The following FGF14 variants were observed in gnomAD, a reference collection of about 807,000 sequenced individuals.
FGF14 encodes fibroblast growth factor 14.
In FGF14, 5 loss-of-function variants were observed where a neutral mutation model predicts 25.5. That is an observed-to-expected ratio of 0.20 (90% CI 0.10 to 0.41). The LOEUF (loss-of-function observed/expected upper bound fraction) is 0.41, where lower values mean the gene tolerates loss of function less well. Ranked by LOEUF, FGF14 falls within the 10% of genes least tolerant of loss-of-function variation. The pLI is 1.00. For missense variants in FGF14, 222 were observed against 320.1 expected (o/e 0.69, Z 2.34); for synonymous variants, 138 against 118.3 (o/e 1.17, Z -1.08).
intron 1 of FGF14, among the ~76,000 whole-genome samples, chr13:102,093,850 T>G (rs491317): frequency 0.89 from 133,364 of 149,044 alleles, 59,834 homozygotes; most frequent in East Asian, 1. Flanking sequence ...GGAGAGGAGA[T>G]AAGACTCATG....
exon 1 of FGF14, chr13:102,401,667 C>T (rs111373026): frequency 4.3e-6 from 7 of 1,613,742 alleles, no homozygotes; most frequent in African/African-American, 2.7e-5. Flanking sequence ...AGAGGGGCAC[C>T]GGTTTTACCA....
At chr13:101,982,536 G>A (rs2476210) in intron 1 of FGF14, among the ~76,000 whole-genome samples, 77,732 of 152,086 alleles carry the variant, frequency 0.51, 23,245 homozygotes, top group African/African-American at 0.82. Context: ...CATCTTTTAT[G>A]TGAATGTCTA....
rs368766907 is a variant in FGF14, at chr13:102,162,592, A to G, written c.208+238879T>C. 2.0e-5 allele frequency among the ~76,000 whole-genome samples: 3 copies of G among 152,338 alleles called. No individual in the cohort carries two copies. The East Asian group carries it at 5.8e-4, about 29-fold the overall frequency. On this transcript the variant is annotated intron_variant, in intron 1 of 4. Coordinates refer to the FGF14 transcript ENST00000376131. ...TTATAATATTACTACTATCATATGC[A>G]TTACTAGGCAGACGTCCTGATCTTA...
intron 3 of FGF14, among the ~76,000 whole-genome samples, chr13:101,782,299 T>C (rs1170019082): frequency 2.6e-5 from 4 of 152,236 alleles, no homozygotes; most frequent in Non-Finnish European, 5.9e-5. Context: ...ACATCAAATT[T>C]ACTATTTTCA....
At chr13:101,804,445 C>T (rs2041082956) in intron 3 of FGF14, among the ~76,000 whole-genome samples, 1 of 152,160 alleles carries the variant, frequency 6.6e-6, no homozygotes, top group Non-Finnish European at 1.5e-5. Context: ...CTCCTACACA[C>T]AAGAAGATAG....
intron 1 of FGF14, among the ~76,000 whole-genome samples, chr13:102,366,035 A>C (rs2057701910): frequency 6.6e-6 from 1 of 152,166 alleles, no homozygotes; most frequent in African/African-American, 2.4e-5. Flanking sequence ...GTGTTTGTTA[A>C]TGGGGGTAGG....
At chr13:102,033,689 C>T (rs539867198) in intron 1 of FGF14, among the ~76,000 whole-genome samples, 18 of 152,196 alleles carry the variant, frequency 1.2e-4, no homozygotes, top group Middle Eastern at 3.4e-3. Flanking sequence ...AGCCTGGCAC[C>T]GAGTTATATT....
chr13:102,020,614 A>T lies in FGF14; in HGVS notation c.209-145318T>A, dbSNP rs144065396. ...AGAGAGAGAAGAGCAGAAATGTCAG[A>T]CAAAGAGTGGAAAAGTAAGATGATT... On this transcript the variant is annotated intron_variant, in intron 1 of 4. Coordinates refer to the FGF14 transcript ENST00000376131. Among the ~76,000 whole-genome samples the T allele has an allele frequency of 1.5e-4, 23 of 152,168 alleles. No individual in the cohort carries two copies. The East Asian group carries it at 4.5e-3, about 30-fold the overall frequency.
intron 1 of FGF14, among the ~76,000 whole-genome samples, chr13:102,064,335 A>C (rs1348235636): frequency 6.6e-6 from 1 of 152,110 alleles, no homozygotes; most frequent in African/African-American, 2.4e-5. Flanking sequence ...ATTTGAGATA[A>C]AGACAGACAT....
At chr13:102,389,626 G>T (rs2058385064) in intron 1 of FGF14, among the ~76,000 whole-genome samples, 1 of 152,154 alleles carries the variant, frequency 6.6e-6, no homozygotes, top group East Asian at 1.9e-4. Flanking sequence ...TCCTGACCAG[G>T]ATAATAAAGA....
intron 1 of FGF14, among the ~76,000 whole-genome samples, chr13:102,183,658 G>A (rs2048765686): frequency 6.6e-6 from 1 of 152,156 alleles, no homozygotes; most frequent in African/African-American, 2.4e-5. Context: ...CCCCATGTGA[G>A]TCAGTCTGTG....
chr13:101,926,865 CG>C (rs1252616428), intron 1 of FGF14, among the ~76,000 whole-genome samples: 1 of 152,026 alleles, frequency 6.6e-6, no homozygotes, highest in Non-Finnish European at 1.5e-5. Flanking sequence ...TTGCCTTAAC[CG>C]TATAGGTTGA....
At chr13:101,933,421 G>A (rs1203451457) in intron 1 of FGF14, among the ~76,000 whole-genome samples, 1 of 152,132 alleles carries the variant, frequency 6.6e-6, no homozygotes, top group Non-Finnish European at 1.5e-5. Flanking sequence ...CAGAATTACT[G>A]TTATTAATAA....
At chr13:101,811,241 T>A (rs2041495791) in intron 3 of FGF14, among the ~76,000 whole-genome samples, 1 of 152,122 alleles carries the variant, frequency 6.6e-6, no homozygotes, top group Admixed American at 6.5e-5. Context: ...TTCACTGAAG[T>A]GAAAAATCCT....
At position 101,916,511 on chromosome 13, in the gene FGF14, C is replaced by T; in HGVS notation, c.135G>A (p.Val45=). ...AGATGCGCACTTTGGAGAAGATATC[C>T]ACCAGGTTGCCGTTGCAGAGCCCGC... ...KNRGLCNGNL[V]DIFSKVRIFG... is the part of the protein sequence containing the mutation. Residue 45 remains valine (V), a synonymous_variant, in exon 1 of 5, where the codon GTG becomes GTA. Transcript: ENST00000376143. 1.2e-6 allele frequency: 2 copies of T among 1,613,910 alleles called. No individual in the cohort carries two copies. The highest frequency in any genetic ancestry group is 1.7e-6 in the Non-Finnish European group (2 of 1,179,950).
chr13:102,387,108 A>C (rs1226114506), intron 1 of FGF14, among the ~76,000 whole-genome samples: 9 of 152,208 alleles, frequency 5.9e-5, no homozygotes, highest in Admixed American at 5.9e-4. Flanking sequence ...AAATCAAAGA[A>C]ATTGCAACTG....
intron 1 of FGF14, among the ~76,000 whole-genome samples, chr13:102,351,081 G>A (rs912756334): frequency 2.0e-5 from 3 of 152,080 alleles, no homozygotes; most frequent in Non-Finnish European, 4.4e-5. Context: ...CTCAGGCCTC[G>A]TGGAAATCTC....
At chr13:102,162,620 A>G (rs2047825511) in intron 1 of FGF14, among the ~76,000 whole-genome samples, 1 of 152,218 alleles carries the variant, frequency 6.6e-6, no homozygotes, top group African/African-American at 2.4e-5. Flanking sequence ...TGATCTTAAA[A>G]ATATAACACA....
chr13:101,754,202 G>C lies in FGF14; in HGVS notation c.409-27392C>G, dbSNP rs952146158. ...TCAGCTGCTGGGGCTCCTAGGGGCT[G>C]ATCCAGGGTGCCGCATGGTCACTGT... On this transcript the variant is annotated intron_variant, in intron 3 of 4. Transcript: ENST00000376143. Among the ~76,000 whole-genome samples the C allele has an allele frequency of 7.9e-5, 12 of 152,278 alleles. No individual in the cohort carries two copies. The East Asian group carries it at 1.7e-3, about 22-fold the overall frequency.
Sources: allele counts gnomAD v4.1 joint callset (sites outside exome capture counted in the v4.1 genomes callset), GRCh38; gene constraint gnomAD v4.1.1; transcripts MANE v1.5; gene names NCBI Gene and HGNC (gene_info 2026-07-23, HGNC 2026-07-21).